The following PIP5K1A variants were observed in gnomAD, a reference collection of about 807,000 sequenced individuals.
PIP5K1A encodes phosphatidylinositol 4-phosphate 5-kinase type-1 alpha.
In PIP5K1A, 46 loss-of-function variants were observed where a neutral mutation model predicts 72.9. That is an observed-to-expected ratio of 0.63 (90% CI 0.50 to 0.81). The LOEUF is 0.81. Among genes scored for constraint, PIP5K1A ranks in the 30% least tolerant of loss-of-function variants. The pLI is 0.00. For missense variants in PIP5K1A, 458 were observed against 706.1 expected, an observed-to-expected ratio of 0.65 and a Z score of 3.98; for synonymous variants, 228 against 255.1, an observed-to-expected ratio of 0.89 and a Z score of 1.01.
chr1:151,214,689 G>C (rs1238201830), intron 1 of PIP5K1A, among the ~76,000 whole-genome samples: 1 of 149,512 alleles, frequency 6.7e-6, no homozygotes, highest in African/African-American at 2.5e-5. Context: ...CCGGCTTTTT[G>C]CAAGTTAGTA....
intron 1 of PIP5K1A, among the ~76,000 whole-genome samples, chr1:151,215,274 G>A (rs1439892017): frequency 6.6e-6 from 1 of 151,776 alleles, no homozygotes; most frequent in East Asian, 1.9e-4. Context: ...TCGACCTCAG[G>A]TGATCCTCCC....
At position 151,248,912 on chromosome 1, in the gene PIP5K1A, T is replaced by A. The variant is rs1692843661; in HGVS notation, c.*1047T>A. 1 of 152,550 alleles carries A rather than the reference T, an allele frequency of 6.6e-6. No homozygotes were observed. The highest frequency in any genetic ancestry group is 6.5e-5 in the Admixed American group (1 of 15,272). The allele number at this position is 152,550 out of a possible 1,614,324, so 9.4% of individuals were successfully genotyped here. A position where few individuals can be genotyped will look rare whatever the true frequency, so the allele number is the denominator to read the frequency against. ...CTGTCTGTTTAACAGACAGTCCATA[T>A]CTGTGAGGCCAGCAAATATTTTCTT... On this transcript the variant is annotated 3_prime_UTR_variant, in exon 16 of 16. Transcript: ENST00000368888.
At chr1:151,199,490 T>C (rs1392776104) in intron 1 of PIP5K1A, among the ~76,000 whole-genome samples, 1 of 151,982 alleles carries the variant, frequency 6.6e-6, no homozygotes, top group Non-Finnish European at 1.5e-5. Context: ...GGCGTGCATC[T>C]GTAATCCCAG....
chr1:151,247,290 G>A (rs184119876), intron 15 of PIP5K1A, among the ~76,000 whole-genome samples: 407 of 152,006 alleles, frequency 2.7e-3, no homozygotes, highest in Non-Finnish European at 4.0e-3. Context: ...CACCACGCCC[G>A]GCTAATTTTT....
At chr1:151,232,927 C>T (rs1250931913) in intron 7 of PIP5K1A, among the ~76,000 whole-genome samples, 1 of 151,946 alleles carries the variant, frequency 6.6e-6, no homozygotes. Flanking sequence ...GGTGAAACCT[C>T]GTCTTTACTA....
At position 151,236,052 on chromosome 1, in the gene PIP5K1A, T is replaced by C. The variant is rs587648451; in HGVS notation, c.940-506T>C. Among the ~76,000 whole-genome samples the C allele has an allele frequency of 5.5e-5, 8 of 146,254 alleles. No homozygotes were observed. In the South Asian group the frequency reaches 1.3e-3, roughly 24 times the overall value. On this transcript the variant is annotated intron_variant, in intron 8 of 15. Transcript: ENST00000368888. ...AGGAAAATCGCTTGAACCAGGGAGT[T>C]GGAGGTTGCAGTGAGCCAAGATCGC...
intron 1 of PIP5K1A, among the ~76,000 whole-genome samples, chr1:151,200,393 G>C (rs985358417): frequency 2.7e-5 from 4 of 146,710 alleles, no homozygotes; most frequent in Non-Finnish European, 6.0e-5. Flanking sequence ...TTGTGTGTAG[G>C]GGAGAAAGTG....
intron 1 of PIP5K1A, among the ~76,000 whole-genome samples, chr1:151,201,910 G>A (rs1427496081): frequency 1.3e-5 from 2 of 152,046 alleles, no homozygotes; most frequent in Non-Finnish European, 2.9e-5. Flanking sequence ...AGCTCTTGAT[G>A]GACTATGGAA....
At chr1:151,239,002 T>G (rs1000847060) in intron 10 of PIP5K1A, 128 bp from the exon 11 acceptor site, 3 of 660,226 alleles carry the variant, frequency 4.5e-6, no homozygotes, top group African/African-American at 3.7e-5. Flanking sequence ...AGTGTACCAG[T>G]AGATGTGCTT....
intron 15 of PIP5K1A, 24 bp downstream of exon 15, chr1:151,246,989 G>C: frequency 4.4e-6 from 7 of 1,603,132 alleles, no homozygotes; most frequent in Non-Finnish European, 5.1e-6. Flanking sequence ...ATGTGTGGGA[G>C]GTGAACGTTT....
intron 13 of PIP5K1A, 44 bp downstream of exon 13, chr1:151,242,313 CCCTTCCTT>C: frequency 6.2e-7 from 1 of 1,607,592 alleles, no homozygotes. Context: ...GGTACTCCCT[CCCTTCCTT>C]CTGAGCCTTT....
At chr1:151,246,600 TGA>T (rs1200268909) in intron 14 of PIP5K1A, among the ~76,000 whole-genome samples, 1 of 152,084 alleles carries the variant, frequency 6.6e-6, no homozygotes, top group Admixed American at 6.6e-5. Context: ...AGCCCACACT[TGA>T]GAGAGAATTA....
chr1:151,206,026 T>A (rs933964204), intron 1 of PIP5K1A, among the ~76,000 whole-genome samples: 1 of 152,098 alleles, frequency 6.6e-6, no homozygotes, highest in Non-Finnish European at 1.5e-5. Flanking sequence ...TTTCCCCTAT[T>A]GCACCTCACT....
chr1:151,212,729 C>A (rs1363862145), intron 1 of PIP5K1A, among the ~76,000 whole-genome samples: 3 of 151,922 alleles, frequency 2.0e-5, no homozygotes, highest in Admixed American at 6.6e-5. Context: ...CGCACGCCAC[C>A]ACGCCTAGCC....
chr1:151,215,026 C>CTT (rs981508990), intron 1 of PIP5K1A, among the ~76,000 whole-genome samples: 91 of 115,032 alleles, frequency 7.9e-4, no homozygotes, highest in South Asian at 3.1e-3. Flanking sequence ...CCTGTGCATT[C>CTT]TTTTTTTTTT....
chr1:151,236,899 C>A, intron 9 of PIP5K1A, 136 bp downstream of exon 9: 1 of 628,592 alleles, frequency 1.6e-6, no homozygotes, highest in Non-Finnish European at 2.7e-6. Context: ...ACGATCTCAG[C>A]CTACTACTAC....
intron 3 of PIP5K1A, 148 bp from the exon 4 acceptor site, chr1:151,227,172 T>G (rs1401859740): frequency 1.8e-6 from 1 of 545,088 alleles, no homozygotes; most frequent in Non-Finnish European, 3.3e-6. Context: ...AGCTGTATAT[T>G]TGCATGGGAT....
intron 1 of PIP5K1A, among the ~76,000 whole-genome samples, chr1:151,218,574 C>T (rs1167659737): frequency 3.3e-5 from 5 of 152,110 alleles, no homozygotes; most frequent in South Asian, 4.1e-4. Context: ...CAGTGGCTCA[C>T]GCCTGTAATC....
intron 14 of PIP5K1A, 101 bp from the exon 15 acceptor site, chr1:151,246,819 A>G (rs1346596331): frequency 1.2e-6 from 1 of 809,030 alleles, no homozygotes; most frequent in African/African-American, 1.7e-5. Context: ...ATTGATTCCA[A>G]AGTGAAAATT....
Sources: allele counts gnomAD v4.1 joint callset (sites outside exome capture counted in the v4.1 genomes callset), GRCh38; gene constraint gnomAD v4.1.1; transcripts MANE v1.5; gene names NCBI Gene and HGNC (gene_info 2026-07-23, HGNC 2026-07-21).